GABRB1: variants seen among roughly 807,000 people sequenced by gnomAD.
GABRB1 encodes gamma-aminobutyric acid type A receptor subunit beta1.
GABRB1 carries 17 observed loss-of-function variants against 51.6 expected under a neutral mutation model. The observed-to-expected ratio is 0.33, with a 90% confidence interval of 0.23 to 0.49. GABRB1 has a LOEUF of 0.49. Among genes scored for constraint, GABRB1 ranks in the 20% least tolerant of loss-of-function variants. The pLI, the probability that GABRB1 is intolerant of heterozygous loss-of-function variation, is 0.99. For missense variants in GABRB1, 410 were observed against 600.6 expected, an observed-to-expected ratio of 0.68 and a Z score of 3.32; for synonymous variants, 247 against 218.9, an observed-to-expected ratio of 1.13 and a Z score of -1.14.
At chr4:47,242,569 A>G (rs1005820246) in intron 4 of GABRB1, among the ~76,000 whole-genome samples, 4 of 152,022 alleles carry the variant, frequency 2.6e-5, no homozygotes, top group African/African-American at 9.7e-5. Context: ...ACTTTTTAAT[A>G]ATCGCTATTC....
intron 4 of GABRB1, among the ~76,000 whole-genome samples, chr4:47,249,704 C>T (rs781125471): frequency 2.0e-5 from 3 of 152,126 alleles, no homozygotes; most frequent in Non-Finnish European, 2.9e-5. Context: ...CTTCTAACTA[C>T]TGTTGCTTAA....
chr4:47,281,349 G>A lies in GABRB1; in HGVS notation c.462-38778G>A, dbSNP rs1025585883. Among the ~76,000 whole-genome samples, 5 of 152,068 alleles carry A rather than the reference G, an allele frequency of 3.3e-5. No individual in the cohort carries two copies. The South Asian group carries it at 1.0e-3, about 32-fold the overall frequency. On this transcript the variant is annotated intron_variant, in intron 4 of 8. Coordinates refer to ENST00000295454, the MANE Select transcript of GABRB1 (RefSeq NM_000812.4). ...ACAAATTAAAACTTCGATGAGATAT[G>A]ACCTCATGCTTATTAGAATGGCTGT...
intron 4 of GABRB1, among the ~76,000 whole-genome samples, chr4:47,184,621 C>T (rs932854382): frequency 1.3e-4 from 20 of 151,872 alleles, no homozygotes; most frequent in Non-Finnish European, 2.9e-4. Context: ...GTTGTACCCC[C>T]ATGAGCTGGG....
At chr4:47,246,749 TG>T (rs1368583967) in intron 4 of GABRB1, among the ~76,000 whole-genome samples, 1 of 152,058 alleles carries the variant, frequency 6.6e-6, no homozygotes, top group African/African-American at 2.4e-5. Context: ...TATCACGTTG[TG>T]GTTTTGATTT....
rs184148592 is a variant in GABRB1 at position 47,111,854 on chromosome 4, C to A, written c.241-49395C>A. On this transcript the variant is annotated intron_variant, in intron 3 of 8. Transcript: ENST00000295454. Reference sequence around the variant, plus strand: ...CACTCCAACCTGGGCGAGAGTGAGACCCTGCAATGCAACAATCGTAATGTA... The same window carrying A: ...CACTCCAACCTGGGCGAGAGTGAGAACCTGCAATGCAACAATCGTAATGTA... 9.7e-4 allele frequency among the ~76,000 whole-genome samples: 147 copies of A among 152,096 alleles called. No individual in the cohort carries two copies. In the Middle Eastern group the frequency reaches 0.01, roughly 11 times the overall value.
In GABRB1 at chr4:47,102,619, C is replaced by T. The variant is rs115562079; in HGVS notation, c.241-58630C>T. The stretch of plus-strand genomic sequence containing the variant: ...TTACTCAGTTGAAGGAAAAGAGCAA[C>T]CAGGGCAAAAATCCAGGGATGAGCA... On this transcript the variant is annotated intron_variant, in intron 3 of 8. Transcript: ENST00000295454. Among the ~76,000 whole-genome samples, 669 of 151,894 alleles carry T rather than the reference C, an allele frequency of 4.4e-3. 3 individuals carry two copies. The highest frequency in any genetic ancestry group is 0.013 in the South Asian group (62 of 4,816).
At chr4:47,232,877 T>A (rs1379534568) in intron 4 of GABRB1, among the ~76,000 whole-genome samples, 1 of 77,612 alleles carries the variant, frequency 1.3e-5, no homozygotes, top group Non-Finnish European at 2.5e-5. Flanking sequence ...ATGATCATCA[T>A]TTTTTTTTTT....
intron 4 of GABRB1, among the ~76,000 whole-genome samples, chr4:47,258,137 C>T (rs538475603): frequency 2.0e-5 from 3 of 152,142 alleles, no homozygotes; most frequent in Admixed American, 1.3e-4. Context: ...CATTTTCTTG[C>T]AGTGTATCAT....
chr4:47,326,611 G>A (rs550889112), intron 5 of GABRB1, among the ~76,000 whole-genome samples: 30 of 151,990 alleles, frequency 2.0e-4, no homozygotes, highest in Non-Finnish European at 3.2e-4. Context: ...TCTCCTGAAC[G>A]TAAGGAAAAA....
intron 8 of GABRB1, among the ~76,000 whole-genome samples, chr4:47,419,777 C>T (rs998797612): frequency 6.6e-6 from 1 of 152,144 alleles, no homozygotes; most frequent in Non-Finnish European, 1.5e-5. Context: ...AATGATTATC[C>T]ATGATCCACC....
intron 3 of GABRB1, among the ~76,000 whole-genome samples, chr4:47,035,863 G>A (rs1725531982): frequency 6.6e-6 from 1 of 152,194 alleles, no homozygotes; most frequent in Admixed American, 6.5e-5. Context: ...ACAAGTAGTT[G>A]AACTCTTGTA....
At chr4:47,297,222 A>T (rs1452976287) in intron 4 of GABRB1, among the ~76,000 whole-genome samples, 1 of 149,468 alleles carries the variant, frequency 6.7e-6, no homozygotes, top group African/African-American at 2.5e-5. Context: ...GAGCAAACAC[A>T]TTCAAAAGCT....
chr4:47,365,783 G>A (rs1419554119), intron 5 of GABRB1, among the ~76,000 whole-genome samples: 1 of 152,114 alleles, frequency 6.6e-6, no homozygotes, highest in Non-Finnish European at 1.5e-5. Context: ...CTACCTGAGG[G>A]CCTTCTCCTG....
intron 3 of GABRB1, among the ~76,000 whole-genome samples, chr4:47,155,557 T>A (rs141523151): frequency 6.6e-6 from 1 of 152,038 alleles, no homozygotes; most frequent in African/African-American, 2.4e-5. Flanking sequence ...CCTAACATAG[T>A]CTGAGACGTG....
At chr4:47,097,561 C>A (rs765534824) in intron 3 of GABRB1, among the ~76,000 whole-genome samples, 6 of 152,162 alleles carry the variant, frequency 3.9e-5, no homozygotes, top group Non-Finnish European at 7.3e-5. Flanking sequence ...TTATATGGTT[C>A]ATTATCTTTC....
intron 4 of GABRB1, among the ~76,000 whole-genome samples, chr4:47,297,431 C>T (rs1290932544): frequency 6.6e-6 from 1 of 151,388 alleles, no homozygotes; most frequent in Non-Finnish European, 1.5e-5. Flanking sequence ...GGGATATCAC[C>T]ACCAATCCCA....
At chr4:47,135,848 T>A (rs530340779) in intron 3 of GABRB1, among the ~76,000 whole-genome samples, 10 of 152,270 alleles carry the variant, frequency 6.6e-5, no homozygotes, top group African/African-American at 2.4e-4. Context: ...TATTTGAAAT[T>A]CCCAAATTCC....
At chr4:47,093,428 A>G (rs547822486) in intron 3 of GABRB1, among the ~76,000 whole-genome samples, 2 of 152,242 alleles carry the variant, frequency 1.3e-5, no homozygotes, top group East Asian at 1.9e-4. Flanking sequence ...AATGTTCTCT[A>G]TAATAAATAC....
intron 3 of GABRB1, among the ~76,000 whole-genome samples, chr4:47,120,298 A>G (rs1318399255): frequency 1.3e-5 from 2 of 152,154 alleles, no homozygotes; most frequent in African/African-American, 4.8e-5. Flanking sequence ...TAGCTGGAGA[A>G]TTCAACACCC....
Sources: gnomAD v4.1 joint callset for allele counts (sites outside exome capture counted in the v4.1 genomes callset) on GRCh38, gnomAD v4.1.1 for gene constraint, MANE v1.5 for transcripts, NCBI Gene and HGNC (gene_info 2026-07-23, HGNC 2026-07-21) for gene names.